Variants in MAP1B observed in about 807,000 individuals in gnomAD.
The protein encoded by MAP1B is microtubule associated protein 1B.
MAP1B carries 12 observed loss-of-function variants against 176.1 expected under a neutral mutation model. The ratio of observed to expected loss-of-function variants is 0.07; its 90% CI spans 0.04 to 0.11. MAP1B has a LOEUF of 0.11. MAP1B is among the 10% of genes least tolerant of loss of function. The probability of loss-of-function intolerance (pLI) is 1.00; values close to 1 mark genes in which losing one functional copy is unlikely to be tolerated. For missense variants in MAP1B, 2,523 were observed against 2,990.5 expected, an observed-to-expected ratio of 0.84 and a Z score of 3.65; for synonymous variants, 1,044 against 1,135.0, an observed-to-expected ratio of 0.92 and a Z score of 1.61.
intron 1 of MAP1B, among the ~76,000 whole-genome samples, chr5:72,108,381 G>A (rs986185204): frequency 6.6e-6 from 1 of 152,188 alleles, no homozygotes; most frequent in Non-Finnish European, 1.5e-5. Context: ...TTGGGGCCTT[G>A]GCTGCAGCTC....
In MAP1B at chr5:72,133,285, C is replaced by T. The variant is rs1561294430; in HGVS notation, c.286+17486C>T. 6.6e-5 allele frequency among the ~76,000 whole-genome samples: 10 copies of T among 152,350 alleles called. No homozygotes were observed. In the South Asian group the frequency reaches 1.9e-3, roughly 28 times the overall value. ...TGTTTTTCCTGAGACAACTGTCCAG[C>T]TCAGGCTGTAACGCAGAACAGCTCT... is the stretch of plus-strand genomic sequence containing the variant. On this transcript the variant is annotated intron_variant, in intron 2 of 6. Coordinates refer to ENST00000296755, the MANE Select transcript of MAP1B (RefSeq NM_005909.5).
intron 1 of MAP1B, among the ~76,000 whole-genome samples, chr5:72,111,070 C>A (rs903665681): frequency 6.6e-6 from 1 of 152,128 alleles, no homozygotes; most frequent in Non-Finnish European, 1.5e-5. Flanking sequence ...AAATCGTTTT[C>A]GCTACCACCA....
chr5:72,118,547 A>G (rs1273442846), intron 2 of MAP1B, among the ~76,000 whole-genome samples: 1 of 152,176 alleles, frequency 6.6e-6, no homozygotes, highest in African/African-American at 2.4e-5. Context: ...TAACAATCAT[A>G]TACAGACCAA....
chr5:72,184,367 C>T (rs930853104), intron 3 of MAP1B, among the ~76,000 whole-genome samples: 3 of 152,224 alleles, frequency 2.0e-5, no homozygotes, highest in African/African-American at 7.2e-5. Context: ...GTGGGAGCCT[C>T]AAGCAAGTTA....
At chr5:72,190,949 T>G (rs1486618602) in intron 4 of MAP1B, among the ~76,000 whole-genome samples, 1 of 152,248 alleles carries the variant, frequency 6.6e-6, no homozygotes, top group Non-Finnish European at 1.5e-5. Flanking sequence ...TTCTTACATC[T>G]TCCTTCCTCT....
At chr5:72,142,731 T>TA (rs113297811) in intron 2 of MAP1B, among the ~76,000 whole-genome samples, 14,831 of 143,006 alleles carry the variant, frequency 0.1, 940 homozygotes, top group Non-Finnish European at 0.14. Flanking sequence ...AAGTTTCAAT[T>TA]AAAAAAAAAA....
Position 72,197,322 on chromosome 5 carries a change from C to G in MAP1B, c.3967C>G (p.Pro1323Ala). Residue 1323 changes from proline to alanine, a missense_variant, in exon 5 of 7, where the codon CCA (proline) becomes GCA (alanine). Transcript: ENST00000296755. ...GGACAAGACTCTGGAAGTGGTGTCACCATCTCAGTCCGTGACTGGCAGTGC... is the reference window on the plus strand; with the variant it reads ...GGACAAGACTCTGGAAGTGGTGTCAGCATCTCAGTCCGTGACTGGCAGTGC... ...PEDKTLEVVS[P>A]SQSVTGSAGH... 6.2e-7 allele frequency: 1 copy of G among 1,614,194 alleles called. No individual in the cohort carries two copies. Among genetic ancestry groups the G allele is most frequent in the Non-Finnish European group, 8.5e-7 (1 of 1,180,032 alleles).
At chr5:72,125,895 C>T (rs1405253237) in intron 2 of MAP1B, among the ~76,000 whole-genome samples, 1 of 152,150 alleles carries the variant, frequency 6.6e-6, no homozygotes, top group East Asian at 1.9e-4. Context: ...ATTCACCCTT[C>T]TGAAATCATG....
intron 2 of MAP1B, among the ~76,000 whole-genome samples, chr5:72,143,886 G>A (rs1025417339): frequency 6.6e-6 from 1 of 152,042 alleles, no homozygotes; most frequent in Non-Finnish European, 1.5e-5. Flanking sequence ...ACAAGGTCTT[G>A]TTTTGTTGCC....
At chr5:72,140,233 G>A (rs1393352683) in intron 2 of MAP1B, among the ~76,000 whole-genome samples, 1 of 152,172 alleles carries the variant, frequency 6.6e-6, no homozygotes, top group Non-Finnish European at 1.5e-5. Context: ...AAAGTGCTGG[G>A]ATTATAGGCA....
In MAP1B at chr5:72,124,358, T is replaced by G. The variant is rs114287896; in HGVS notation, c.286+8559T>G. On this transcript the variant is annotated intron_variant, in intron 2 of 6. Transcript: ENST00000296755. ...TAACATAAATACAAGACAATAATAA[T>G]GTTATTTTAATAAACTCTTCTAGGT... 6.6e-3 allele frequency among the ~76,000 whole-genome samples: 1,003 copies of G among 152,322 alleles called. 9 individuals are homozygous for G. The highest frequency in any genetic ancestry group is 0.023 in the African/African-American group (948 of 41,558).
chr5:72,188,038 G>A (rs766556084), intron 4 of MAP1B, among the ~76,000 whole-genome samples: 64 of 152,124 alleles, frequency 4.2e-4, no homozygotes, highest in Non-Finnish European at 7.2e-4. Context: ...AGCTTTGGCT[G>A]TGTCTTCTTC....
intron 2 of MAP1B, among the ~76,000 whole-genome samples, chr5:72,124,641 G>A (rs1446962478): frequency 1.3e-5 from 2 of 152,194 alleles, no homozygotes; most frequent in East Asian, 1.9e-4. Context: ...CCTGAGGACT[G>A]TCTTTGTTGT....
intron 2 of MAP1B, among the ~76,000 whole-genome samples, chr5:72,174,132 A>AAAATAAATAAAC (rs1173470202): frequency 2.0e-5 from 3 of 152,344 alleles, no homozygotes; most frequent in East Asian, 3.9e-4. Context: ...ACCTCGTCTC[A>AAAATAAATAAAC]AAATAAATAA....
intron 2 of MAP1B, among the ~76,000 whole-genome samples, chr5:72,136,396 CTT>C (rs1204094194): frequency 6.6e-6 from 1 of 152,124 alleles, no homozygotes; most frequent in African/African-American, 2.4e-5. Context: ...GCCAGATACT[CTT>C]TTCCTGGGTG....
intron 2 of MAP1B, among the ~76,000 whole-genome samples, chr5:72,149,425 T>C (rs1746102502): frequency 6.6e-6 from 1 of 152,258 alleles, no homozygotes; most frequent in Admixed American, 6.5e-5. Context: ...TTTTCCACAA[T>C]AGACATTTGT....
At chr5:72,134,768 C>G (rs1405587794) in intron 2 of MAP1B, among the ~76,000 whole-genome samples, 1 of 151,626 alleles carries the variant, frequency 6.6e-6, no homozygotes, top group Non-Finnish European at 1.5e-5. Flanking sequence ...ATGGCCTGGG[C>G]CCTGCTGCAG....
intron 2 of MAP1B, among the ~76,000 whole-genome samples, chr5:72,166,284 G>A (rs867440700): frequency 1.2e-4 from 19 of 152,144 alleles, no homozygotes; most frequent in Admixed American, 7.9e-4. Flanking sequence ...TTTCATGATC[G>A]TCAACAGAAT....
intron 2 of MAP1B, among the ~76,000 whole-genome samples, chr5:72,118,795 A>G (rs1450927577): frequency 6.6e-6 from 1 of 152,138 alleles, no homozygotes; most frequent in Non-Finnish European, 1.5e-5. Flanking sequence ...TAAAATATTT[A>G]TTGCCTTTTA....
Sources: gnomAD v4.1 joint callset for allele counts (sites outside exome capture counted in the v4.1 genomes callset) on GRCh38, gnomAD v4.1.1 for gene constraint, MANE v1.5 for transcripts, NCBI Gene and HGNC (gene_info 2026-07-23, HGNC 2026-07-21) for gene names.